The following GFRA1 variants were observed in gnomAD, a reference collection of about 807,000 sequenced individuals.
The protein encoded by GFRA1 is GDNF family receptor alpha 1.
Under a neutral mutation model 51.6 loss-of-function variants are expected in GFRA1, and 16 were observed. That is an observed-to-expected ratio of 0.31 (90% CI 0.21 to 0.47). The LOEUF (loss-of-function observed/expected upper bound fraction) is 0.47. Ranked by LOEUF, GFRA1 falls within the 20% of genes least tolerant of loss-of-function variation. The pLI is 1.00. For synonymous variants in GFRA1, 270 were observed against 241.3 expected, an observed-to-expected ratio of 1.12 and a Z score of -1.10; for missense variants, 530 against 594.3, an observed-to-expected ratio of 0.89 and a Z score of 1.13.
chr10:116,092,850 C>T (rs958106233), intron 8 of GFRA1, among the ~76,000 whole-genome samples: 4 of 152,098 alleles, frequency 2.6e-5, no homozygotes, highest in Non-Finnish European at 5.9e-5. Flanking sequence ...CAATAAATGG[C>T]GGCTGCCACA....
intron 3 of GFRA1, 126 bp downstream of exon 3, chr10:116,270,696 A>G: frequency 1.3e-6 from 1 of 764,794 alleles, no homozygotes; most frequent in Non-Finnish European, 2.2e-6. Flanking sequence ...CTGGGGGCCA[A>G]GGAAAGGTCC....
intron 5 of GFRA1, among the ~76,000 whole-genome samples, chr10:116,168,235 T>G (rs1278162099): frequency 6.6e-6 from 1 of 151,830 alleles, no homozygotes; most frequent in African/African-American, 2.4e-5. Flanking sequence ...GGCACTGCTC[T>G]AGGTTCTTGG....
chr10:116,190,085 C>T (rs1024289371), intron 5 of GFRA1, among the ~76,000 whole-genome samples: 1 of 152,204 alleles, frequency 6.6e-6, no homozygotes, highest in Admixed American at 6.5e-5. Flanking sequence ...ATGAGCCAAG[C>T]CTGCAGCCAA....
intron 4 of GFRA1, among the ~76,000 whole-genome samples, chr10:116,238,267 C>A: frequency 6.6e-6 from 1 of 152,218 alleles, no homozygotes; most frequent in East Asian, 1.9e-4. Context: ...TGGGGAACGC[C>A]GCCTGCCAGG....
chr10:116,207,682 G>A (rs1964887163), intron 5 of GFRA1, among the ~76,000 whole-genome samples: 1 of 152,074 alleles, frequency 6.6e-6, no homozygotes, highest in Non-Finnish European at 1.5e-5. Context: ...GCAGAAAAGT[G>A]GCTTTTTAAA....
At chr10:116,143,434 C>T (rs933776362) in intron 5 of GFRA1, among the ~76,000 whole-genome samples, 3 of 151,906 alleles carry the variant, frequency 2.0e-5, no homozygotes, top group Admixed American at 2.0e-4. Flanking sequence ...TGACAGATAC[C>T]CTAACCTCCA....
chr10:116,220,008 C>G (rs760619996), intron 4 of GFRA1, among the ~76,000 whole-genome samples: 3 of 152,072 alleles, frequency 2.0e-5, no homozygotes, highest in Non-Finnish European at 4.4e-5. Context: ...TTCTAAAGCA[C>G]GATGTTTTTA....
intron 5 of GFRA1, among the ~76,000 whole-genome samples, chr10:116,193,578 C>G (rs1963455563): frequency 6.6e-6 from 1 of 152,156 alleles, no homozygotes; most frequent in Admixed American, 6.5e-5. Context: ...GACACAAATC[C>G]TGCTTTTGTT....
chr10:116,125,584 G>T, intron 5 of GFRA1, 27 bp from the exon 6 acceptor site: 1 of 1,560,092 alleles, frequency 6.4e-7, no homozygotes, highest in South Asian at 1.1e-5. Flanking sequence ...AGACAGGCAT[G>T]GTCACAGTGC....
chr10:116,096,875 G>GCACACACACA (rs757516182), intron 6 of GFRA1, 111 bp from the exon 7 acceptor site: 4 of 473,662 alleles, frequency 8.4e-6, no homozygotes, highest in South Asian at 2.0e-5. Context: ...TTCTGCACAC[G>GCACACACACA]CACACGCACA....
At chr10:116,173,965 A>C (rs1961318703) in intron 5 of GFRA1, among the ~76,000 whole-genome samples, 1 of 152,082 alleles carries the variant, frequency 6.6e-6, no homozygotes, top group Non-Finnish European at 1.5e-5. Context: ...CTGTAATCCC[A>C]GCTACTTGGG....
intron 5 of GFRA1, among the ~76,000 whole-genome samples, chr10:116,158,991 T>C (rs1959458219): frequency 6.6e-6 from 1 of 152,162 alleles, no homozygotes; most frequent in Admixed American, 6.5e-5. Flanking sequence ...CAGCAAACGC[T>C]TTGCATTTGA....
At chr10:116,262,650 T>G (rs1327952827) in intron 4 of GFRA1, among the ~76,000 whole-genome samples, 1 of 152,228 alleles carries the variant, frequency 6.6e-6, no homozygotes, top group Non-Finnish European at 1.5e-5. Flanking sequence ...TTTTCCTTTT[T>G]TACCTGTTTG....
chr10:116,208,426 C>T (rs545383663), intron 5 of GFRA1, among the ~76,000 whole-genome samples: 14 of 152,230 alleles, frequency 9.2e-5, no homozygotes, highest in Middle Eastern at 3.4e-3. Context: ...AAGTGCCCTG[C>T]GCACATGTAC....
chr10:116,098,217 T>A (rs1220177227), intron 6 of GFRA1, among the ~76,000 whole-genome samples: 1 of 152,180 alleles, frequency 6.6e-6, no homozygotes, highest in African/African-American at 2.4e-5. Flanking sequence ...TGTATAAGTC[T>A]CCCCAGACAG....
At chr10:116,065,655 A>C (rs748293548) in intron 9 of GFRA1, 29 bp from the exon 10 acceptor site, 3 of 1,592,450 alleles carry the variant, frequency 1.9e-6, no homozygotes, top group Non-Finnish European at 1.7e-6. Context: ...AAAAATGCTC[A>C]AACATAATAC....
At chr10:116,129,286 T>G (rs980685058) in intron 5 of GFRA1, among the ~76,000 whole-genome samples, 1 of 152,186 alleles carries the variant, frequency 6.6e-6, no homozygotes, top group African/African-American at 2.4e-5. Flanking sequence ...TTCCCCAAAC[T>G]TTAGTAAACT....
At chr10:116,185,094 G>T (rs1180133969) in intron 5 of GFRA1, among the ~76,000 whole-genome samples, 3 of 152,166 alleles carry the variant, frequency 2.0e-5, no homozygotes, top group Admixed American at 6.5e-5. Context: ...CTAGTGAAGG[G>T]CTGTAATTAC....
At chr10:116,210,718 C>T (rs1037319282) in intron 5 of GFRA1, among the ~76,000 whole-genome samples, 1 of 152,136 alleles carries the variant, frequency 6.6e-6, no homozygotes, top group Non-Finnish European at 1.5e-5. Flanking sequence ...AAATACCAAG[C>T]CTGTAAGATT....
Sources: gnomAD v4.1 joint callset for allele counts (sites outside exome capture counted in the v4.1 genomes callset) on GRCh38, gnomAD v4.1.1 for gene constraint, MANE v1.5 for transcripts, NCBI Gene and HGNC (gene_info 2026-07-23, HGNC 2026-07-21) for gene names.